The following IL1RAPL2 variants were observed in gnomAD, a reference collection of about 807,000 sequenced individuals.
IL1RAPL2 encodes interleukin 1 receptor accessory protein like 2.
A neutral mutation model predicts 44.1 loss-of-function variants in IL1RAPL2; 3 were observed. The observed-to-expected ratio is 0.07, with a 90% CI of 0.03 to 0.18. The LOEUF is 0.18. Ranked by LOEUF, IL1RAPL2 falls within the 10% of genes least tolerant of loss-of-function variation. The probability of loss-of-function intolerance (pLI) is 1.00; values close to 1 mark genes in which losing one functional copy is unlikely to be tolerated. For missense variants in IL1RAPL2, 391 were observed against 496.4 expected (o/e 0.79, Z 2.02); for synonymous variants, 181 against 178.8 (o/e 1.01, Z -0.10).
chrX:104,689,259 C>T (rs374475261), intron 2 of IL1RAPL2, among the ~76,000 whole-genome samples: 26 of 111,877 alleles, frequency 2.3e-4, no homozygotes, highest in African/African-American at 8.1e-4. Flanking sequence ...AACAAAATGA[C>T]TGACTAGACC....
chrX:105,120,820 T>G (rs892396351), intron 2 of IL1RAPL2, among the ~76,000 whole-genome samples: 2 of 112,375 alleles, frequency 1.8e-5, no homozygotes, highest in African/African-American at 6.5e-5. Context: ...AACTCCTTTT[T>G]AAATGAATTA....
chrX:104,887,122 G>T (rs1015041905), intron 2 of IL1RAPL2, among the ~76,000 whole-genome samples: 26 of 112,389 alleles, frequency 2.3e-4, no homozygotes, highest in Admixed American at 2.1e-3. Flanking sequence ...AGTTGTGGGG[G>T]TTCCTTGGAA....
At chrX:105,670,917 AC>A (rs1355111762) in intron 6 of IL1RAPL2, among the ~76,000 whole-genome samples, 1 of 107,009 alleles carries the variant, frequency 9.3e-6, no homozygotes, top group Non-Finnish European at 1.9e-5. Flanking sequence ...TATATACCAT[AC>A]ATATATACAT....
chrX:105,527,436 T>TTGTGTGTGTGTG (rs10687485), intron 6 of IL1RAPL2, among the ~76,000 whole-genome samples: 3 of 95,649 alleles, frequency 3.1e-5, no homozygotes, highest in South Asian at 1.1e-3. Flanking sequence ...TGAGAGTGTG[T>TTGTGTGTGTGTG]TGTGTGTGTG....
At chrX:104,891,040 G>A (rs185383555) in intron 2 of IL1RAPL2, among the ~76,000 whole-genome samples, 26 of 111,727 alleles carry the variant, frequency 2.3e-4, no homozygotes, top group South Asian at 7.5e-4. Flanking sequence ...TCCCAGCACC[G>A]TTTGTTAAAT....
intron 2 of IL1RAPL2, among the ~76,000 whole-genome samples, chrX:105,029,161 A>C (rs950689347): frequency 9.3e-6 from 1 of 108,087 alleles, no homozygotes; most frequent in East Asian, 2.9e-4. Context: ...CAAGTTAATG[A>C]TTATAATGAC....
intron 2 of IL1RAPL2, among the ~76,000 whole-genome samples, chrX:104,737,940 G>A (rs902247955): frequency 8.9e-6 from 1 of 111,942 alleles, no homozygotes; most frequent in Non-Finnish European, 1.9e-5. Flanking sequence ...AAGTCTGACT[G>A]TCACATAAAG....
intron 2 of IL1RAPL2, among the ~76,000 whole-genome samples, chrX:105,058,333 G>A (rs1366202222): frequency 9.0e-6 from 1 of 111,715 alleles, no homozygotes; most frequent in African/African-American, 3.3e-5. Context: ...TGATCCACAT[G>A]CCTCAACCTC....
At chrX:104,666,189 A>C (rs28445302) in intron 2 of IL1RAPL2, among the ~76,000 whole-genome samples, 5,743 of 111,057 alleles carry the variant, frequency 0.052, 386 homozygotes, top group African/African-American at 0.18. Flanking sequence ...TGCCTATTCC[A>C]TTAAGTTTGG....
At chrX:105,569,879 A>C (rs917366539) in intron 6 of IL1RAPL2, among the ~76,000 whole-genome samples, 5 of 111,636 alleles carry the variant, frequency 4.5e-5, no homozygotes, top group African/African-American at 1.6e-4. Context: ...GCACAGCCAC[A>C]TTAGTAATAC....
intron 2 of IL1RAPL2, among the ~76,000 whole-genome samples, chrX:105,131,472 T>A (rs1247366154): frequency 9.1e-6 from 1 of 110,115 alleles, no homozygotes; most frequent in African/African-American, 3.3e-5. Context: ...TTTCATATAA[T>A]TTTTACATCA....
chrX:105,433,517 A>G (rs2035861785), intron 5 of IL1RAPL2, among the ~76,000 whole-genome samples: 1 of 111,415 alleles, frequency 9.0e-6, no homozygotes, highest in South Asian at 3.8e-4. Flanking sequence ...CTTATATGTG[A>G]TAGCACTCTC....
intron 5 of IL1RAPL2, among the ~76,000 whole-genome samples, chrX:105,294,302 C>A (rs2034638857): frequency 8.9e-6 from 1 of 112,431 alleles, no homozygotes; most frequent in South Asian, 3.6e-4. Context: ...TGGGACTTCC[C>A]ATTCAACATA....
At chrX:105,507,874 C>T (rs927592662) in intron 6 of IL1RAPL2, among the ~76,000 whole-genome samples, 19 of 112,015 alleles carry the variant, frequency 1.7e-4, no homozygotes, top group Middle Eastern at 4.6e-3. Flanking sequence ...TTACCTATTT[C>T]AGTGGCTTTC....
intron 5 of IL1RAPL2, among the ~76,000 whole-genome samples, chrX:105,329,921 A>G (rs2034972957): frequency 9.0e-6 from 1 of 111,529 alleles, no homozygotes; most frequent in Admixed American, 9.6e-5. Flanking sequence ...TTACTTTTTA[A>G]TGTGACTACT....
chrX:104,742,123 G>C (rs765953944), intron 2 of IL1RAPL2, among the ~76,000 whole-genome samples: 1 of 111,562 alleles, frequency 9.0e-6, no homozygotes, highest in African/African-American at 3.2e-5. Flanking sequence ...TCCCAAGCCT[G>C]AAAACCACAA....
intron 2 of IL1RAPL2, among the ~76,000 whole-genome samples, chrX:104,897,446 T>A (rs994616900): frequency 2.1e-4 from 24 of 112,090 alleles, no homozygotes; most frequent in Admixed American, 4.7e-4. Context: ...CTGTGATTTT[T>A]AAAAATTTCT....
intron 2 of IL1RAPL2, among the ~76,000 whole-genome samples, chrX:105,123,762 T>C (rs2032948128): frequency 9.0e-6 from 1 of 111,224 alleles, no homozygotes; most frequent in Non-Finnish European, 1.9e-5. Context: ...GAACTAGTAT[T>C]TCTCTTCCCT....
At chrX:105,403,926 T>C (rs2035623594) in intron 5 of IL1RAPL2, among the ~76,000 whole-genome samples, 1 of 112,048 alleles carries the variant, frequency 8.9e-6, no homozygotes, top group African/African-American at 3.2e-5. Flanking sequence ...CCAGTTTTTC[T>C]TTAGGAAACA....
Sources: gnomAD v4.1 joint callset for allele counts (sites outside exome capture counted in the v4.1 genomes callset) on GRCh38, gnomAD v4.1.1 for gene constraint, MANE v1.5 for transcripts, NCBI Gene and HGNC (gene_info 2026-07-23, HGNC 2026-07-21) for gene names.